SUSD5: variants seen among roughly 807,000 people sequenced by gnomAD.
SUSD5 encodes the protein sushi domain containing 5.
A neutral mutation model predicts 29.5 loss-of-function variants in SUSD5; 33 were observed. The observed-to-expected ratio is 1.12, with a 90% CI of 0.85 to 1.49. The LOEUF (loss-of-function observed/expected upper bound fraction) is 1.49. Ranked by LOEUF, SUSD5 falls within the 40% of genes most tolerant of loss-of-function variation. The pLI, the probability that SUSD5 is intolerant of heterozygous loss-of-function variation, is 0.00. For synonymous variants in SUSD5, 308 were observed against 325.3 expected, an observed-to-expected ratio of 0.95 and a Z score of 0.57; for missense variants, 776 against 800.6, an observed-to-expected ratio of 0.97 and a Z score of 0.37.
intron 3 of SUSD5, among the ~76,000 whole-genome samples, chr3:33,206,856 T>C (rs1448609770): frequency 1.3e-5 from 2 of 152,152 alleles, no homozygotes; most frequent in African/African-American, 4.8e-5. Context: ...ACCCAGAACA[T>C]TTAAATCAGA....
intron 3 of SUSD5, among the ~76,000 whole-genome samples, chr3:33,205,638 A>G (rs981987927): frequency 3.0e-4 from 46 of 152,222 alleles, no homozygotes; most frequent in African/African-American, 1.0e-3. Context: ...ACACACTTGC[A>G]TACACATAAC....
In SUSD5 at chr3:33,150,665, C is replaced by G. The variant is rs1211247823; in HGVS notation, c.*2077G>C. 1 of 152,180 alleles carries G rather than the reference C, an allele frequency of 6.6e-6. No individual in the cohort carries two copies. The highest frequency in any genetic ancestry group is 2.4e-5 in the African/African-American group (1 of 41,448). 9.4% of individuals were successfully genotyped at this position (152,180 alleles called of 1,614,324 possible). On this transcript the variant is annotated 3_prime_UTR_variant, in exon 5 of 5. Coordinates refer to ENST00000309558, the MANE Select transcript of SUSD5 (RefSeq NM_015551.2). ...GTTGGTACCTTCAGGCTTTATTTTA[C>G]CCAACTATGGGGAATAAGATCTTTG...
intron 1 of SUSD5, among the ~76,000 whole-genome samples, chr3:33,216,742 G>A (rs1185604328): frequency 6.6e-6 from 1 of 152,110 alleles, no homozygotes; most frequent in Non-Finnish European, 1.5e-5. Flanking sequence ...CTTAAGCTGA[G>A]CATTTCTTCT....
intron 4 of SUSD5, among the ~76,000 whole-genome samples, chr3:33,168,275 CCTT>C (rs1018109524): frequency 1.3e-5 from 2 of 152,134 alleles, no homozygotes; most frequent in African/African-American, 4.8e-5. Flanking sequence ...GGCTACACAG[CCTT>C]TAAAAATAGT....
chr3:33,189,951 T>C (rs1234651295), intron 3 of SUSD5, among the ~76,000 whole-genome samples: 2 of 152,226 alleles, frequency 1.3e-5, no homozygotes, highest in Non-Finnish European at 2.9e-5. Flanking sequence ...TTCACCATCT[T>C]TGCGAAAAGT....
rs1421373032 is a variant in SUSD5, at chr3:33,153,407, G to A, written c.1225C>T (p.Pro409Ser). ...ACTTCCACAAGAATGGGCTGATCAGGAGTAACTAGGACGTTTTCATCCAGC... is the reference window on the plus strand; with the variant it reads ...ACTTCCACAAGAATGGGCTGATCAGAAGTAACTAGGACGTTTTCATCCAGC... ...VGLDENVLVT[P>S]DQPILVEVKK... The change falls in exon 5 of 5, where the codon CCT (proline) becomes TCT (serine). Residue 409 changes from proline (P) to serine (S), a missense_variant. Physicochemically the swap from Pro to Ser is moderately conservative, Grantham distance 74. Transcript: ENST00000309558. 11 of 1,613,710 alleles carry A rather than the reference G, an allele frequency of 6.8e-6. No homozygotes were observed. The highest frequency in any genetic ancestry group is 9.3e-6 in the Non-Finnish European group (11 of 1,179,842).
chr3:33,179,338 G>A (rs1431888809), intron 3 of SUSD5, among the ~76,000 whole-genome samples: 2 of 152,078 alleles, frequency 1.3e-5, no homozygotes, highest in African/African-American at 4.8e-5. Flanking sequence ...AATACCCGAA[G>A]AACCAGGGAA....
intron 4 of SUSD5, among the ~76,000 whole-genome samples, chr3:33,157,985 G>GT (rs1163731368): frequency 8.7e-6 from 1 of 115,416 alleles, no homozygotes; most frequent in Non-Finnish European, 2.1e-5. Context: ...TGAGCTGCTT[G>GT]GGGAGCAGGC....
intron 1 of SUSD5, 133 bp from the exon 2 acceptor site, chr3:33,214,238 T>G (rs2032382186): frequency 4.1e-6 from 3 of 731,584 alleles, no homozygotes; most frequent in East Asian, 3.1e-5. Flanking sequence ...AACTACCACA[T>G]CCACATCCCT....
chr3:33,187,884 A>G (rs2031813717), intron 3 of SUSD5, among the ~76,000 whole-genome samples: 1 of 137,410 alleles, frequency 7.3e-6, no homozygotes, highest in South Asian at 2.2e-4. Context: ...ATTCCCACCT[A>G]TGAGTGAGAA....
rs773824741 is a variant in SUSD5 at position 33,153,512 on chromosome 3, A to G, written c.1120T>C (p.Tyr374His). The G allele has an allele frequency of 6.2e-7, 1 of 1,613,976 alleles. No homozygotes were observed. Among genetic ancestry groups the G allele is most frequent in the South Asian group, 1.1e-5 (1 of 91,062 alleles). The change falls in exon 5 of 5, where the codon TAC (tyrosine) becomes CAC (histidine). Residue 374 changes from tyrosine to histidine, a missense_variant. By Grantham distance (83) the Tyr-to-His change is moderately conservative. Coordinates refer to ENST00000309558, the MANE Select transcript of SUSD5 (RefSeq NM_015551.2). ...SSSDESWLDG[Y>H]PVTEGAWRKT... ...CTCCAAGCCCCCTCTGTCACAGGGT[A>G]GCCATCTAACCAGGACTCATCACTG... is the stretch of plus-strand genomic sequence containing the variant.
At chr3:33,207,755 G>C (rs924369215) in intron 3 of SUSD5, 53 bp downstream of exon 3, 14 of 1,230,896 alleles carry the variant, frequency 1.1e-5, no homozygotes, top group Non-Finnish European at 1.6e-5. Flanking sequence ...ACCTCATATA[G>C]CAATCCCCAA....
chr3:33,155,070 G>A (rs1454291757), intron 4 of SUSD5, among the ~76,000 whole-genome samples: 1 of 152,204 alleles, frequency 6.6e-6, no homozygotes, highest in Admixed American at 6.5e-5. Context: ...ATTGGCACAA[G>A]GACAGATAAC....
chr3:33,190,005 A>C (rs1257016001), intron 3 of SUSD5, among the ~76,000 whole-genome samples: 1 of 152,226 alleles, frequency 6.6e-6, no homozygotes, highest in Non-Finnish European at 1.5e-5. Context: ...AAAGGGGAAT[A>C]GTGACAGCAT....
intron 2 of SUSD5, among the ~76,000 whole-genome samples, chr3:33,212,100 T>C (rs1239057055): frequency 6.6e-6 from 1 of 152,148 alleles, no homozygotes; most frequent in African/African-American, 2.4e-5. Flanking sequence ...ATATTGAATG[T>C]TCCCAGCAAA....
Position 33,218,768 on chromosome 3 carries a change from G to A in SUSD5, c.30C>T (p.Ala10=), listed in dbSNP as rs1441677775. The stretch of plus-strand genomic sequence containing the variant: ...GCCCGGGGAGGCGTCTGTGCCAACG[G>A]GCAGGCGGGCTGGGTCCCTCGGCAG... The part of the protein sequence containing the change: MTAEGPSPP[A]RWHRRLPGLW... The change falls in exon 1 of 5, where the codon GCC becomes GCT. Residue 10 remains alanine, a synonymous_variant. Coordinates refer to ENST00000309558, the MANE Select transcript of SUSD5 (RefSeq NM_015551.2). The A allele has an allele frequency of 7.0e-7, 1 of 1,433,986 alleles. No homozygotes were observed. Among genetic ancestry groups the A allele is most frequent in the Admixed American group, 2.8e-5 (1 of 35,904 alleles). 88.8% of individuals were successfully genotyped at this position (1,433,986 alleles called of 1,614,324 possible). A position where few individuals can be genotyped will look rare whatever the true frequency, so the allele number is the denominator to read the frequency against.
chr3:33,158,662 GA>G (rs2031108421), intron 4 of SUSD5, among the ~76,000 whole-genome samples: 1 of 152,162 alleles, frequency 6.6e-6, no homozygotes, highest in Non-Finnish European at 1.5e-5. Flanking sequence ...TACTGCAGAA[GA>G]AATTATCTTT....
rs553947676 is a variant in SUSD5, at chr3:33,161,524, T to C, written c.599-7491A>G. On this transcript the variant is annotated intron_variant, in intron 4 of 4. Transcript: ENST00000309558. ...ACGACAGTAATTTTAAAACCAAATC[T>C]ACCGATGGTTAAATGTAAAATGGAT... 2.3e-3 allele frequency among the ~76,000 whole-genome samples: 344 copies of C among 152,264 alleles called. 2 individuals carry two copies. The highest frequency in any genetic ancestry group is 3.8e-3 in the Non-Finnish European group (261 of 67,992).
chr3:33,214,525 C>G (rs952106548), intron 1 of SUSD5, among the ~76,000 whole-genome samples: 1 of 152,040 alleles, frequency 6.6e-6, no homozygotes, highest in African/African-American at 2.4e-5. Context: ...TAGGATGACC[C>G]CCTATACAAC....
Sources: allele counts gnomAD v4.1 joint callset (sites outside exome capture counted in the v4.1 genomes callset), GRCh38; gene constraint gnomAD v4.1.1; transcripts MANE v1.5; gene names NCBI Gene and HGNC (gene_info 2026-07-23, HGNC 2026-07-21).